JMJD1C: variants seen among roughly 807,000 people sequenced by gnomAD.
JMJD1C encodes the protein jumonji domain-containing protein 1C.
A neutral mutation model predicts 245.3 loss-of-function variants in JMJD1C; 31 were observed. The observed-to-expected ratio is 0.13, with a 90% CI of 0.09 to 0.17. JMJD1C has a LOEUF of 0.17. JMJD1C is among the 10% of genes least tolerant of loss of function. The pLI is 1.00. For missense variants in JMJD1C, 2,691 were observed against 3,000.2 expected, an observed-to-expected ratio of 0.90 and a Z score of 2.41; for synonymous variants, 1,057 against 1,017.4, an observed-to-expected ratio of 1.04 and a Z score of -0.74.
chr10:63,464,991 T>C (rs190808525), intron 1 of JMJD1C, among the ~76,000 whole-genome samples: 100 of 152,326 alleles, frequency 6.6e-4, no homozygotes, highest in African/African-American at 2.4e-3. Context: ...CCCCGGACTG[T>C]GTGGGAAGGT....
Position 63,298,019 on chromosome 10 carries a change from G to A in JMJD1C, c.334-33255C>T, listed in dbSNP as rs547181647. 7.2e-5 allele frequency among the ~76,000 whole-genome samples: 11 copies of A among 152,308 alleles called. No homozygotes were observed. The East Asian group carries it at 1.4e-3, about 19-fold the overall frequency. On this transcript the variant is annotated intron_variant, in intron 2 of 25. Transcript: ENST00000399262. ...TCCATCCACACGCGGGTGCTGCAGC[G>A]ACAGCTGCTTACGGTACATCTGATC...
chr10:63,192,125 A>G (rs1270020770), intron 16 of JMJD1C, among the ~76,000 whole-genome samples: 1 of 151,860 alleles, frequency 6.6e-6, no homozygotes, highest in African/African-American at 2.4e-5. Context: ...TATGTAGTCA[A>G]AGGAAGGCTA....
intron 1 of JMJD1C, among the ~76,000 whole-genome samples, chr10:63,386,689 G>C (rs1262433574): frequency 1.3e-5 from 2 of 152,180 alleles, no homozygotes; most frequent in Non-Finnish European, 2.9e-5. Context: ...TAGTCAGCCT[G>C]TCACAACCTC....
chr10:63,258,782 T>C (rs1325540163), intron 3 of JMJD1C, among the ~76,000 whole-genome samples: 1 of 152,206 alleles, frequency 6.6e-6, no homozygotes, highest in Middle Eastern at 3.2e-3. Context: ...TTATCATAGA[T>C]TATAAACTTC....
rs534706214 is a variant in JMJD1C at position 63,336,421 on chromosome 10, G to C, written c.333+43897C>G. On this transcript the variant is annotated intron_variant, in intron 2 of 25. Coordinates refer to ENST00000399262, the MANE Select transcript of JMJD1C (RefSeq NM_032776.3). Reference sequence around the variant, plus strand: ...TGCAGTGGGCCAAGATTGCACTACTGAACTCCAGCCTGGGCGACAGAGCAA... The same window carrying C: ...TGCAGTGGGCCAAGATTGCACTACTCAACTCCAGCCTGGGCGACAGAGCAA... Among the ~76,000 whole-genome samples, 10 of 152,188 alleles carry C rather than the reference G, an allele frequency of 6.6e-5. 1 individual carries two copies. Among genetic ancestry groups the C allele is most frequent in the African/African-American group, 2.2e-4 (9 of 41,528 alleles).
chr10:63,237,570 A>G (rs2133456192), intron 3 of JMJD1C, among the ~76,000 whole-genome samples: 1 of 152,362 alleles, frequency 6.6e-6, no homozygotes, highest in Non-Finnish European at 1.5e-5. Context: ...CCAGTGACTT[A>G]GTCTTTTATG....
intron 1 of JMJD1C, among the ~76,000 whole-genome samples, chr10:63,409,793 T>C (rs188089944): frequency 2.0e-5 from 3 of 152,268 alleles, no homozygotes; most frequent in Admixed American, 6.5e-5. Flanking sequence ...AAGTCTTTCA[T>C]AGATGCCTGA....
intron 1 of JMJD1C, among the ~76,000 whole-genome samples, chr10:63,504,831 CA>C (rs1266455026): frequency 6.6e-6 from 1 of 152,088 alleles, no homozygotes; most frequent in South Asian, 2.1e-4. Context: ...CCCCAGGCAA[CA>C]AAACAAGACC....
At chr10:63,442,048 G>A (rs1951420089) in intron 1 of JMJD1C, among the ~76,000 whole-genome samples, 1 of 152,196 alleles carries the variant, frequency 6.6e-6, no homozygotes, top group African/African-American at 2.4e-5. Context: ...ACATACTGAT[G>A]ACTGGTTGAG....
intron 1 of JMJD1C, among the ~76,000 whole-genome samples, chr10:63,404,174 A>G (rs1280888421): frequency 1.3e-5 from 2 of 152,170 alleles, no homozygotes; most frequent in Admixed American, 1.3e-4. Flanking sequence ...TTGGACAGAT[A>G]TTTGTCACCA....
rs35442695 is a variant in JMJD1C, at chr10:63,277,731, C to CTTTTTTTTTTTTTTTTT, written c.334-12984_334-12968dup. ...TATTCATTGAGAGTAATTTGCATTTCTTTTTTTTTTTTTTTTTTTTTTTTG... is the reference window on the plus strand; with the variant it reads ...TATTCATTGAGAGTAATTTGCATTTCTTTTTTTTTTTTTTTTTTTTTTTTTTTTTTTTTTTTTTTTTG... On this transcript the variant is annotated intron_variant, in intron 2 of 25. Coordinates refer to ENST00000399262, the MANE Select transcript of JMJD1C (RefSeq NM_032776.3). Among the ~76,000 whole-genome samples the CTTTTTTTTTTTTTTTTT allele has an allele frequency of 3.3e-3, 210 of 64,274 alleles. 25 individuals carry two copies. Among genetic ancestry groups the CTTTTTTTTTTTTTTTTT allele is most frequent in the Non-Finnish European group, 4.2e-3 (160 of 38,442 alleles). 42.2% of individuals were successfully genotyped at this position (64,274 alleles called of 152,430 possible).
At chr10:63,405,609 C>T (rs1293730038) in intron 1 of JMJD1C, among the ~76,000 whole-genome samples, 7 of 152,280 alleles carry the variant, frequency 4.6e-5, no homozygotes, top group African/African-American at 1.7e-4. Flanking sequence ...AGGCATGAGC[C>T]ACAGCGCCCA....
intron 1 of JMJD1C, among the ~76,000 whole-genome samples, chr10:63,395,904 G>T (rs1020255275): frequency 2.0e-5 from 3 of 151,958 alleles, no homozygotes; most frequent in African/African-American, 7.3e-5. Context: ...AAAATCTAAT[G>T]TTCAGAGTTG....
intron 3 of JMJD1C, among the ~76,000 whole-genome samples, chr10:63,255,363 G>C (rs1251937045): frequency 2.0e-5 from 3 of 152,174 alleles, no homozygotes; most frequent in Non-Finnish European, 4.4e-5. Flanking sequence ...TAAAGGAGCG[G>C]GGACAGGTAG....
chr10:63,413,444 G>A (rs974454680), intron 1 of JMJD1C, among the ~76,000 whole-genome samples: 1 of 151,574 alleles, frequency 6.6e-6, no homozygotes, highest in African/African-American at 2.4e-5. Flanking sequence ...CAGGTTTTCT[G>A]AGCAGAATTA....
At chr10:63,508,652 T>C (rs1444146746) in intron 1 of JMJD1C, among the ~76,000 whole-genome samples, 1 of 152,246 alleles carries the variant, frequency 6.6e-6, no homozygotes, top group Non-Finnish European at 1.5e-5. Flanking sequence ...TTCTGTTTTC[T>C]TTCATCAGTT....
intron 10 of JMJD1C, chr10:63,204,733 G>C (rs1846398813): frequency 1.0e-6 from 1 of 985,390 alleles, no homozygotes; most frequent in African/African-American, 1.7e-5. Context: ...GACTATGCTT[G>C]CATTTCAGTC....
chr10:63,506,204 G>T (rs1007192372), intron 1 of JMJD1C, among the ~76,000 whole-genome samples: 3 of 152,128 alleles, frequency 2.0e-5, no homozygotes, highest in African/African-American at 7.2e-5. Flanking sequence ...GAACTAAGTT[G>T]ATCAATATAA....
intron 1 of JMJD1C, among the ~76,000 whole-genome samples, chr10:63,399,178 C>T (rs1431311321): frequency 1.3e-5 from 2 of 152,162 alleles, no homozygotes; most frequent in Admixed American, 6.5e-5. Flanking sequence ...TTACTGATGT[C>T]AAATTTTCCA....
Sources: allele counts gnomAD v4.1 joint callset (sites outside exome capture counted in the v4.1 genomes callset), GRCh38; gene constraint gnomAD v4.1.1; transcripts MANE v1.5; gene names NCBI Gene and HGNC (gene_info 2026-07-23, HGNC 2026-07-21).